Variants in PACRG observed in about 807,000 individuals in gnomAD.
The protein encoded by PACRG is parkin coregulated gene protein.
A neutral mutation model predicts 29.7 loss-of-function variants in PACRG; 29 were observed. That is an observed-to-expected ratio of 0.98 (90% CI 0.73 to 1.33). The LOEUF (loss-of-function observed/expected upper bound fraction) is 1.33, where lower values mean the gene tolerates loss of function less well. Ranked by LOEUF, PACRG falls within the 40% of genes most tolerant of loss-of-function variation. The probability of loss-of-function intolerance (pLI) is 0.00; values close to 1 mark genes in which losing one functional copy is unlikely to be tolerated. For synonymous variants in PACRG, 116 were observed against 118.7 expected, an observed-to-expected ratio of 0.98 and a Z score of 0.15; for missense variants, 279 against 316.2, an observed-to-expected ratio of 0.88 and a Z score of 0.89.
intron 2 of PACRG, among the ~76,000 whole-genome samples, chr6:162,981,053 T>C (rs1802375847): frequency 4.6e-5 from 7 of 151,974 alleles, no homozygotes. Flanking sequence ...AACCTCCCAC[T>C]GAGTCCCCAG....
intron 4 of PACRG, among the ~76,000 whole-genome samples, chr6:163,158,933 A>G (rs942456816): frequency 2.0e-5 from 3 of 152,088 alleles, no homozygotes; most frequent in Non-Finnish European, 4.4e-5. Flanking sequence ...CTGTGGTTCT[A>G]TGTAAGAAAC....
At position 163,261,419 on chromosome 6, in the gene PACRG, C is replaced by G. The variant is rs577005977; in HGVS notation, c.614-53408C>G. ...TAATGCTCTCCCTCCCCTTGCCCCC[C>G]ACCCCCTGAGGTGCTGGATTTTCAC... On this transcript the variant is annotated intron_variant, in intron 4 of 4. Coordinates refer to ENST00000366888, the MANE Select transcript of PACRG (RefSeq NM_001080379.2). Among the ~76,000 whole-genome samples the G allele has an allele frequency of 4.6e-5, 7 of 152,268 alleles. No homozygotes were observed. In the South Asian group the frequency reaches 8.3e-4, roughly 18 times the overall value.
chr6:163,203,089 A>G (rs1325721784), intron 4 of PACRG, among the ~76,000 whole-genome samples: 1 of 152,098 alleles, frequency 6.6e-6, no homozygotes. Context: ...CTGACCCACA[A>G]TTATCCTCAC....
chr6:162,981,619 G>C (rs1050223265), intron 2 of PACRG, among the ~76,000 whole-genome samples: 2 of 151,868 alleles, frequency 1.3e-5, no homozygotes, highest in African/African-American at 4.8e-5. Flanking sequence ...TTTGTAAGTT[G>C]CTTTTGGCAG....
chr6:162,850,468 T>A (rs1208407684), intron 2 of PACRG, among the ~76,000 whole-genome samples: 1 of 151,844 alleles, frequency 6.6e-6, no homozygotes, highest in African/African-American at 2.4e-5. Flanking sequence ...ATGACTAGAG[T>A]GTTGGAACTT....
chr6:162,791,408 C>T (rs1050664573), intron 1 of PACRG, among the ~76,000 whole-genome samples: 1 of 149,304 alleles, frequency 6.7e-6, no homozygotes, highest in African/African-American at 2.5e-5. Flanking sequence ...CTTTCCTTCT[C>T]TACCCCATAG....
At chr6:163,155,254 G>A (rs1778265627) in intron 4 of PACRG, among the ~76,000 whole-genome samples, 1 of 152,210 alleles carries the variant, frequency 6.6e-6, no homozygotes, top group Admixed American at 6.5e-5. Context: ...GCCCTTGAAT[G>A]GTACCCCGGG....
In PACRG at chr6:162,733,182, T is replaced by G. The variant is rs1014083492; in HGVS notation, c.156+4791T>G. Reference sequence around the variant, plus strand: ...TGCTGTCAAGAAGCTTATATTTTTGTGGCCAGCAAAATGCCAACTGCTTTA... The same window carrying G: ...TGCTGTCAAGAAGCTTATATTTTTGGGGCCAGCAAAATGCCAACTGCTTTA... On this transcript the variant is annotated intron_variant, in intron 1 of 4. Coordinates refer to ENST00000366888, the MANE Select transcript of PACRG (RefSeq NM_001080379.2). Among the ~76,000 whole-genome samples, 18 of 152,222 alleles carry G rather than the reference T, an allele frequency of 1.2e-4. 1 individual carries two copies. The highest frequency in any genetic ancestry group is 6.3e-3 in the Middle Eastern group (2 of 316).
chr6:162,867,190 C>T (rs1584590581), intron 2 of PACRG, among the ~76,000 whole-genome samples: 2 of 152,174 alleles, frequency 1.3e-5, no homozygotes, highest in African/African-American at 4.8e-5. Flanking sequence ...AGTCTTCTAG[C>T]CCACTGACCT....
At chr6:162,921,888 C>T (rs1797090752) in intron 2 of PACRG, among the ~76,000 whole-genome samples, 1 of 152,116 alleles carries the variant, frequency 6.6e-6, no homozygotes, top group Non-Finnish European at 1.5e-5. Flanking sequence ...AAAGATGAGG[C>T]AGAGCGGACT....
chr6:163,149,588 C>G (rs9458732), intron 4 of PACRG, among the ~76,000 whole-genome samples: 39,356 of 152,030 alleles, frequency 0.26, 5,280 homozygotes, highest in Middle Eastern at 0.38. Flanking sequence ...ACTCCCCGAC[C>G]CCGCGAGCCT....
intron 4 of PACRG, among the ~76,000 whole-genome samples, chr6:163,303,997 CAG>C (rs1047656787): frequency 3.6e-5 from 4 of 111,354 alleles, no homozygotes; most frequent in Non-Finnish European, 3.3e-5. Flanking sequence ...GCCTGGGTGA[CAG>C]AGCAAGACTC....
intron 4 of PACRG, among the ~76,000 whole-genome samples, chr6:163,296,543 T>C (rs568974244): frequency 1.3e-5 from 2 of 152,326 alleles, no homozygotes; most frequent in South Asian, 4.1e-4. Flanking sequence ...TCCACTCACC[T>C]CGGCCTCCAA....
intron 2 of PACRG, among the ~76,000 whole-genome samples, chr6:162,881,957 T>TGGGGGG (rs1432255527): frequency 4.0e-4 from 10 of 24,704 alleles, no homozygotes; most frequent in Non-Finnish European, 5.9e-4. Context: ...AGACCAGAGA[T>TGGGGGG]GGGTGGGGGG....
chr6:162,788,697 G>A (rs947080714), intron 1 of PACRG, among the ~76,000 whole-genome samples: 2 of 152,046 alleles, frequency 1.3e-5, no homozygotes, highest in African/African-American at 4.8e-5. Flanking sequence ...TCTGAATTTT[G>A]GCTATTTTAA....
chr6:163,067,596 T>C (rs1200461531), intron 3 of PACRG, among the ~76,000 whole-genome samples: 2 of 152,086 alleles, frequency 1.3e-5, no homozygotes, highest in Non-Finnish European at 2.9e-5. Flanking sequence ...TGTAAAAAAA[T>C]AGAAATACAA....
intron 2 of PACRG, among the ~76,000 whole-genome samples, chr6:163,060,410 A>G (rs1810996069): frequency 6.6e-6 from 1 of 152,230 alleles, no homozygotes; most frequent in African/African-American, 2.4e-5. Context: ...AAATTGTACA[A>G]AATAATGTTT....
intron 1 of PACRG, among the ~76,000 whole-genome samples, chr6:162,782,239 T>C (rs915936106): frequency 6.6e-6 from 1 of 151,906 alleles, no homozygotes; most frequent in African/African-American, 2.4e-5. Context: ...AAGCAGAAAC[T>C]GACACAATTT....
intron 1 of PACRG, among the ~76,000 whole-genome samples, chr6:162,787,582 G>GTGTGTGTATATATATA (rs1198197561): frequency 8.0e-5 from 5 of 62,406 alleles, no homozygotes; most frequent in Admixed American, 1.9e-4. Flanking sequence ...GTGTGTGTGT[G>GTGTGTGTATATATATA]TATATATATA....
Sources: allele counts gnomAD v4.1 joint callset (sites outside exome capture counted in the v4.1 genomes callset), GRCh38; gene constraint gnomAD v4.1.1; transcripts MANE v1.5; gene names NCBI Gene and HGNC (gene_info 2026-07-23, HGNC 2026-07-21).